The following SVEP1 variants were observed in gnomAD, a reference collection of about 807,000 sequenced individuals.
The protein encoded by SVEP1 is sushi, von Willebrand factor type A, EGF and pentraxin domain-containing protein 1.
In SVEP1, 164 loss-of-function variants were observed where a neutral mutation model predicts 367.3. The observed-to-expected ratio is 0.45, with a 90% CI of 0.39 to 0.51. The LOEUF is 0.51. SVEP1 is among the 20% of genes least tolerant of loss of function. SVEP1 has a pLI of 0.00. For synonymous variants in SVEP1, 1,666 were observed against 1,611.6 expected (o/e 1.03, Z -0.81); for missense variants, 4,117 against 4,425.3 (o/e 0.93, Z 1.98).
intron 15 of SVEP1, 54 bp downstream of exon 15, chr9:110,472,105 C>A: frequency 6.5e-7 from 1 of 1,535,780 alleles, no homozygotes; most frequent in Non-Finnish European, 8.8e-7. Flanking sequence ...AAGCAGGTTT[C>A]CAACCAAGAA....
At chr9:110,551,328 T>C (rs1830283834) in intron 1 of SVEP1, among the ~76,000 whole-genome samples, 1 of 152,218 alleles carries the variant, frequency 6.6e-6, no homozygotes, top group South Asian at 2.1e-4. Flanking sequence ...CATTAGTATA[T>C]AATCAGTGGG....
rs748381110 is a variant in SVEP1 at position 110,406,744 on chromosome 9, A to G, written c.8856T>C (p.Pro2952=). 6.2e-7 allele frequency: 1 copy of G among 1,614,060 alleles called. No individual in the cohort carries two copies. Among genetic ancestry groups the G allele is most frequent in the Non-Finnish European group, 8.5e-7 (1 of 1,179,894 alleles). ...TAGGGAAACCATGGGCAAGATCTTC[A>G]GGAGGTCCACAGTTGACTGGTTTAC... ...PLCKPVNCGP[P]EDLAHGFPNG... Residue 2952 remains proline (P), a synonymous_variant, in exon 38 of 48, where the codon CCT becomes CCC. Transcript: ENST00000374469.
intron 9 of SVEP1, among the ~76,000 whole-genome samples, chr9:110,486,653 CTCT>C (rs1405800872): frequency 1.4e-3 from 107 of 77,948 alleles, no homozygotes; most frequent in East Asian, 8.4e-3. Flanking sequence ...CTCTCTCTCT[CTCT>C]TTTTTTTTTT....
intron 1 of SVEP1, among the ~76,000 whole-genome samples, chr9:110,570,852 G>C (rs1389967956): frequency 6.6e-6 from 1 of 152,036 alleles, no homozygotes; most frequent in African/African-American, 2.4e-5. Context: ...GGTATTTTCA[G>C]TCAAGGCCAG....
intron 3 of SVEP1, among the ~76,000 whole-genome samples, chr9:110,543,753 A>T (rs534722837): frequency 6.6e-6 from 1 of 152,284 alleles, no homozygotes; most frequent in African/African-American, 2.4e-5. Context: ...TCCAGCAAAG[A>T]AAATGAGCTC....
At chr9:110,491,954 C>T (rs1234398438) in intron 8 of SVEP1, among the ~76,000 whole-genome samples, 3 of 151,862 alleles carry the variant, frequency 2.0e-5, no homozygotes, top group Non-Finnish European at 4.4e-5. Flanking sequence ...TCCCAGATAA[C>T]TTAATGTACA....
chr9:110,388,629 C>A (rs1027107639), intron 41 of SVEP1, among the ~76,000 whole-genome samples: 1 of 152,220 alleles, frequency 6.6e-6, no homozygotes, highest in African/African-American at 2.4e-5. Flanking sequence ...GATCACAGAT[C>A]TTAACCTTGG....
chr9:110,433,467 T>A (rs1200309341), intron 30 of SVEP1, among the ~76,000 whole-genome samples: 2 of 16,730 alleles, frequency 1.2e-4, no homozygotes, highest in Non-Finnish European at 2.4e-4. Context: ...TTGTATTACT[T>A]TTTTTTTTTT....
intron 27 of SVEP1, chr9:110,442,830 T>C (rs1347994725): frequency 6.6e-6 from 1 of 152,204 alleles, no homozygotes; most frequent in Non-Finnish European, 1.5e-5. Context: ...ACCGCATTTT[T>C]ATGAAGTTTA....
chr9:110,487,200 C>T (rs1057216486), intron 9 of SVEP1, among the ~76,000 whole-genome samples: 11 of 151,926 alleles, frequency 7.2e-5, no homozygotes, highest in African/African-American at 2.7e-4. Flanking sequence ...AGGTGATCTG[C>T]CTGCCTTGGC....
At chr9:110,386,338 A>G (rs1281101244) in intron 42 of SVEP1, among the ~76,000 whole-genome samples, 8 of 152,226 alleles carry the variant, frequency 5.3e-5, no homozygotes, top group Non-Finnish European at 1.2e-4. Context: ...ATGACAATTT[A>G]TGCCTGAAAT....
intron 1 of SVEP1, among the ~76,000 whole-genome samples, chr9:110,550,431 C>T (rs1015894223): frequency 6.6e-6 from 1 of 152,032 alleles, no homozygotes; most frequent in African/African-American, 2.4e-5. Flanking sequence ...TTTATTGATT[C>T]TCAGGCTCTC....
chr9:110,404,854 A>G (rs903628752), intron 38 of SVEP1, among the ~76,000 whole-genome samples: 2 of 152,100 alleles, frequency 1.3e-5, no homozygotes, highest in Middle Eastern at 3.4e-3. Flanking sequence ...GTGAGACTTC[A>G]TCTCTATAAA....
intron 44 of SVEP1, among the ~76,000 whole-genome samples, chr9:110,378,519 T>C (rs926661769): frequency 2.6e-5 from 4 of 152,182 alleles, no homozygotes; most frequent in Admixed American, 2.0e-4. Context: ...GATGAGTACA[T>C]TGCAAAAAAT....
rs919145583 is a variant in SVEP1, at chr9:110,407,256, T to C, written c.8344A>G (p.Met2782Val). 6.8e-6 allele frequency: 11 copies of C among 1,613,888 alleles called. No homozygotes were observed. The highest frequency in any genetic ancestry group is 9.3e-6 in the Non-Finnish European group (11 of 1,179,902). The change falls in exon 38 of 48, where the codon ATG (methionine) becomes GTG (valine). Residue 2782 changes from methionine (M) to valine (V), a missense_variant. Met to Val is a conservative substitution (Grantham distance 21, BLOSUM62 1). Coordinates refer to ENST00000374469, the MANE Select transcript of SVEP1 (RefSeq NM_153366.4). ...AISCKKPNPVMNGSIKGSNYT... is the reference protein window; with the variant it reads ...AISCKKPNPVVNGSIKGSNYT... The stretch of plus-strand genomic sequence containing the variant: ...TTGCTTCCTTTGATGGATCCATTCA[T>C]GACTGGATTTGGCTTTTTGCATGAA...
In SVEP1 at chr9:110,579,251, T is replaced by A. The variant is rs1325198421; in HGVS notation, c.293A>T (p.Asn98Ile). ...VDDSSSVGEVNFRSELMFVRK... is the reference protein window; with the variant it reads ...VDDSSSVGEVIFRSELMFVRK... Reference sequence around the variant, plus strand: ...GACGAACATGAGCTCGCTGCGGAAGTTGACTTCGCCCACGCTGGACGAATC... The same window carrying A: ...GACGAACATGAGCTCGCTGCGGAAGATGACTTCGCCCACGCTGGACGAATC... The change falls in exon 1 of 48, where the codon AAC becomes ATC. Residue 98 changes from asparagine to isoleucine, a missense_variant. Physicochemically the swap from Asn to Ile is moderately radical, Grantham distance 149 (BLOSUM62 -3). Around this residue, in one of 4 missense-constraint regions of SVEP1, gnomAD observed 161 missense variants for 122.4 expected, o/e 1.32. Transcript: ENST00000374469. This position sits in a 1 kb window ranked among gnomAD's most constrained non-coding sequence, Gnocchi z 5.3. 2 of 1,570,794 alleles carry A rather than the reference T, an allele frequency of 1.3e-6. No homozygotes were observed. Among genetic ancestry groups the A allele is most frequent in the Non-Finnish European group, 1.7e-6 (2 of 1,159,196 alleles).
chr9:110,472,376 C>T (rs1829034451), intron 14 of SVEP1, 53 bp from the exon 15 acceptor site: 7 of 1,495,478 alleles, frequency 4.7e-6, no homozygotes, highest in African/African-American at 2.8e-5. Flanking sequence ...TTTTCGTCAG[C>T]GTTCAGGTTC....
At chr9:110,503,295 G>C in intron 5 of SVEP1, 78 bp from the exon 6 acceptor site, 1 of 1,385,574 alleles carries the variant, frequency 7.2e-7, no homozygotes, top group Non-Finnish European at 9.9e-7. Context: ...AGCAATGCCT[G>C]CACATTGCAA....
chr9:110,387,561 A>G, intron 41 of SVEP1, 103 bp from the exon 42 acceptor site: 1 of 1,262,508 alleles, frequency 7.9e-7, no homozygotes. Flanking sequence ...ATAAAATATT[A>G]TGGCCTACTC....
Sources: allele counts gnomAD v4.1 joint callset (sites outside exome capture counted in the v4.1 genomes callset), GRCh38; gene constraint gnomAD v4.1.1; regional missense constraint gnomAD v4.1.1; non-coding constraint Gnocchi (gnomAD v3.1); transcripts MANE v1.5; gene names NCBI Gene and HGNC (gene_info 2026-07-23, HGNC 2026-07-21).